The following CTNND2 variants were observed in gnomAD, a reference collection of about 807,000 sequenced individuals.
The protein encoded by CTNND2 is catenin delta-2.
Under a neutral mutation model 144.4 loss-of-function variants are expected in CTNND2, and 22 were observed. The ratio of observed to expected loss-of-function variants is 0.15; its 90% CI spans 0.11 to 0.22. The LOEUF is 0.22. Among genes scored for constraint, CTNND2 ranks in the 10% least tolerant of loss-of-function variants. CTNND2 has a pLI of 1.00. For missense variants in CTNND2, 1,353 were observed against 1,618.8 expected, an observed-to-expected ratio of 0.84 and a Z score of 2.82; for synonymous variants, 751 against 695.6, an observed-to-expected ratio of 1.08 and a Z score of -1.25.
At chr5:11,635,532 T>A (rs191428597) in intron 2 of CTNND2, among the ~76,000 whole-genome samples, 3 of 152,194 alleles carry the variant, frequency 2.0e-5, no homozygotes, top group Non-Finnish European at 2.9e-5. Context: ...TTTCTGTTAC[T>A]GACTTCTAGG....
chr5:11,068,772 C>G (rs920111702), intron 16 of CTNND2, among the ~76,000 whole-genome samples: 1 of 152,142 alleles, frequency 6.6e-6, no homozygotes, highest in Admixed American at 6.5e-5. Flanking sequence ...AACAAATTAT[C>G]CGGGCGTGGT....
At chr5:11,863,190 G>A (rs1339415895) in intron 1 of CTNND2, among the ~76,000 whole-genome samples, 2 of 152,164 alleles carry the variant, frequency 1.3e-5, no homozygotes, top group African/African-American at 4.8e-5. Context: ...ATATTCATCT[G>A]TATTCTCCAC....
chr5:11,448,893 G>A (rs1765074425), intron 3 of CTNND2, among the ~76,000 whole-genome samples: 1 of 151,748 alleles, frequency 6.6e-6, no homozygotes, highest in South Asian at 2.1e-4. Flanking sequence ...TGTAGAGATG[G>A]GGTTTCACTA....
chr5:11,401,431 C>T (rs1488064918), intron 5 of CTNND2, among the ~76,000 whole-genome samples: 1 of 152,098 alleles, frequency 6.6e-6, no homozygotes, highest in Non-Finnish European at 1.5e-5. Flanking sequence ...GTGGCATTCC[C>T]GAGTTATTCT....
At chr5:11,468,686 T>A (rs1766892630) in intron 3 of CTNND2, among the ~76,000 whole-genome samples, 1 of 152,198 alleles carries the variant, frequency 6.6e-6, no homozygotes, top group Non-Finnish European at 1.5e-5. Context: ...CTTTTTCAAA[T>A]TTTAGAGTCT....
At chr5:11,246,166 G>A (rs926362707) in intron 9 of CTNND2, among the ~76,000 whole-genome samples, 4 of 152,176 alleles carry the variant, frequency 2.6e-5, no homozygotes, top group South Asian at 2.1e-4. Context: ...GCTGACTTTC[G>A]ATTGGTCACT....
At chr5:11,113,252 T>C (rs115775547) in intron 13 of CTNND2, among the ~76,000 whole-genome samples, 2,029 of 152,302 alleles carry the variant, frequency 0.013, 42 homozygotes, top group African/African-American at 0.046. Context: ...TGCTCAAAAC[T>C]ATTTGCTAAA....
intron 3 of CTNND2, among the ~76,000 whole-genome samples, chr5:11,475,749 A>C (rs2149964239): frequency 6.6e-6 from 1 of 152,324 alleles, no homozygotes; most frequent in African/African-American, 2.4e-5. Context: ...TAGATATTTT[A>C]TGTCCTATAT....
chr5:11,289,360 C>T (rs1748075887), intron 9 of CTNND2, among the ~76,000 whole-genome samples: 1 of 152,176 alleles, frequency 6.6e-6, no homozygotes, highest in Admixed American at 6.5e-5. Context: ...GAACAGCTAC[C>T]GAGTAGCACA....
intron 18 of CTNND2, among the ~76,000 whole-genome samples, chr5:11,005,110 T>C (rs1201681406): frequency 6.6e-6 from 1 of 152,222 alleles, no homozygotes; most frequent in Non-Finnish European, 1.5e-5. Context: ...GAGGGTGTTA[T>C]AGTTACACTG....
At chr5:11,379,492 C>A (rs1758269780) in intron 7 of CTNND2, among the ~76,000 whole-genome samples, 1 of 152,056 alleles carries the variant, frequency 6.6e-6, no homozygotes. Flanking sequence ...GGGTAAAAAT[C>A]ATGTCTGCCT....
intron 3 of CTNND2, among the ~76,000 whole-genome samples, chr5:11,521,541 C>T (rs1258959232): frequency 6.6e-6 from 1 of 152,188 alleles, no homozygotes; most frequent in African/African-American, 2.4e-5. Context: ...TCACCACCAT[C>T]ATTAAACATA....
intron 10 of CTNND2, among the ~76,000 whole-genome samples, chr5:11,217,373 G>A (rs1739307362): frequency 6.6e-6 from 1 of 152,170 alleles, no homozygotes; most frequent in South Asian, 2.1e-4. Context: ...GGAGGAAGGA[G>A]GTGGCTTTTC....
chr5:11,255,667 G>A (rs1744160290), intron 9 of CTNND2, among the ~76,000 whole-genome samples: 4 of 152,110 alleles, frequency 2.6e-5, no homozygotes, highest in Admixed American at 2.0e-4. Flanking sequence ...TATCATGGAG[G>A]AACACAAATC....
At chr5:11,426,049 C>T (rs1762749904) in intron 3 of CTNND2, among the ~76,000 whole-genome samples, 1 of 151,990 alleles carries the variant, frequency 6.6e-6, no homozygotes, top group Non-Finnish European at 1.5e-5. Context: ...CCTGATGTTT[C>T]CTCTCAGTAA....
chr5:11,010,033 C>A (rs1325294235), intron 18 of CTNND2, among the ~76,000 whole-genome samples: 1 of 152,176 alleles, frequency 6.6e-6, no homozygotes, highest in Admixed American at 6.5e-5. Context: ...TTGTTTTCTA[C>A]CCTTACTTGA....
intron 10 of CTNND2, among the ~76,000 whole-genome samples, chr5:11,231,679 A>C (rs988195346): frequency 1.3e-5 from 2 of 152,256 alleles, no homozygotes; most frequent in African/African-American, 4.8e-5. Flanking sequence ...TTGAGGCCCG[A>C]TAATGTGATA....
At chr5:11,156,281 A>C (rs1758216614) in intron 12 of CTNND2, among the ~76,000 whole-genome samples, 2 of 152,230 alleles carry the variant, frequency 1.3e-5, no homozygotes, top group South Asian at 4.1e-4. Flanking sequence ...TTTCCAAAAA[A>C]TGAAAAGGTG....
intron 10 of CTNND2, among the ~76,000 whole-genome samples, chr5:11,222,538 G>C (rs1231971218): frequency 6.6e-6 from 1 of 152,192 alleles, no homozygotes; most frequent in East Asian, 1.9e-4. Flanking sequence ...GGGTGTGTTG[G>C]CTCACGCCTG....
Sources: gnomAD v4.1 joint callset for allele counts (sites outside exome capture counted in the v4.1 genomes callset) on GRCh38, gnomAD v4.1.1 for gene constraint, MANE v1.5 for transcripts, NCBI Gene and HGNC (gene_info 2026-07-23, HGNC 2026-07-21) for gene names.